Variants in SHOC1 observed in about 807,000 individuals in gnomAD.
SHOC1 encodes protein shortage in chiasmata 1 ortholog.
SHOC1 carries 136 observed loss-of-function variants against 179.2 expected under a neutral mutation model. The observed-to-expected ratio is 0.76, with a 90% confidence interval of 0.66 to 0.87. The LOEUF (loss-of-function observed/expected upper bound fraction) is 0.87. Among genes scored for constraint, SHOC1 ranks in the 40% least tolerant of loss-of-function variants. SHOC1 has a pLI of 0.00. For synonymous variants in SHOC1, 489 were observed against 586.6 expected (o/e 0.83, Z 2.41); for missense variants, 1,538 against 1,700.8 (o/e 0.90, Z 1.68).
intron 7 of SHOC1, 146 bp from the exon 8 acceptor site, chr9:111,756,624 A>G: frequency 1.6e-6 from 1 of 642,992 alleles, no homozygotes; most frequent in East Asian, 2.8e-5. Context: ...TATATACTTT[A>G]AAAAAACAGA....
chr9:111,688,248 GC>G (rs1368663030), intron 27 of SHOC1, among the ~76,000 whole-genome samples: 1 of 152,120 alleles, frequency 6.6e-6, no homozygotes. Context: ...ATCTCTCACA[GC>G]CAATTCTAAA....
intron 11 of SHOC1, among the ~76,000 whole-genome samples, chr9:111,740,760 G>A (rs547685811): frequency 6.6e-6 from 1 of 152,132 alleles, no homozygotes; most frequent in South Asian, 2.1e-4. Context: ...TTAGTAGAGA[G>A]GGGGTTTCAA....
At chr9:111,774,698 C>CTA (rs1183222816) in intron 5 of SHOC1, among the ~76,000 whole-genome samples, 1 of 140,968 alleles carries the variant, frequency 7.1e-6, no homozygotes, top group African/African-American at 2.5e-5. Context: ...CTCTCTCTCT[C>CTA]TATATATATA....
At chr9:111,693,774 A>T in intron 26 of SHOC1, 25 bp downstream of exon 26, 1 of 1,528,062 alleles carries the variant, frequency 6.5e-7, no homozygotes, top group South Asian at 1.2e-5. Context: ...AATTCATATC[A>T]TAGTACAGAT....
At chr9:111,748,595 A>G (rs1051738279) in intron 8 of SHOC1, among the ~76,000 whole-genome samples, 1 of 152,154 alleles carries the variant, frequency 6.6e-6, no homozygotes, top group African/African-American at 2.4e-5. Context: ...CTACTTGTCT[A>G]TATGAATACT....
chr9:111,767,589 C>G (rs1835405292), intron 5 of SHOC1, among the ~76,000 whole-genome samples: 1 of 152,096 alleles, frequency 6.6e-6, no homozygotes, highest in Non-Finnish European at 1.5e-5. Flanking sequence ...GTTAATATGG[C>G]TTTGGAGTAT....
At chr9:111,764,738 CA>C (rs1385477044) in intron 5 of SHOC1, among the ~76,000 whole-genome samples, 2 of 151,996 alleles carry the variant, frequency 1.3e-5, no homozygotes, top group African/African-American at 4.8e-5. Flanking sequence ...AAACAAATGA[CA>C]AAAGGAATAT....
At chr9:111,737,699 C>CA (rs1491208449) in intron 12 of SHOC1, among the ~76,000 whole-genome samples, 2 of 132,054 alleles carry the variant, frequency 1.5e-5, no homozygotes, top group African/African-American at 3.2e-5. Context: ...CCCCCCCCCC[C>CA]ACACACAAAA....
chr9:111,791,122 T>G (rs1209038273), intron 2 of SHOC1, among the ~76,000 whole-genome samples: 1 of 152,190 alleles, frequency 6.6e-6, no homozygotes, highest in Non-Finnish European at 1.5e-5. Context: ...TTGTATAAAA[T>G]TACCTTCAAT....
At chr9:111,696,597 T>C (rs1439264295) in intron 24 of SHOC1, among the ~76,000 whole-genome samples, 1 of 152,204 alleles carries the variant, frequency 6.6e-6, no homozygotes. Flanking sequence ...GAAATAGACT[T>C]GTTTGGAATG....
At chr9:111,689,265 C>A (rs758611275) in intron 27 of SHOC1, among the ~76,000 whole-genome samples, 1 of 150,692 alleles carries the variant, frequency 6.6e-6, no homozygotes, top group East Asian at 1.9e-4. Context: ...GCGTACCTTT[C>A]GTCCCAGCTA....
At chr9:111,733,217 C>T (rs1379322945) in intron 12 of SHOC1, among the ~76,000 whole-genome samples, 1 of 152,118 alleles carries the variant, frequency 6.6e-6, no homozygotes, top group African/African-American at 2.4e-5. Flanking sequence ...AAATGTATGG[C>T]TATGGCTTAA....
intron 15 of SHOC1, among the ~76,000 whole-genome samples, chr9:111,720,169 G>A (rs542659584): frequency 1.3e-5 from 2 of 152,278 alleles, no homozygotes; most frequent in South Asian, 4.1e-4. Context: ...ACAGCCCAAG[G>A]CCCAGAAGTG....
intron 27 of SHOC1, among the ~76,000 whole-genome samples, chr9:111,687,522 T>A (rs1024680872): frequency 6.6e-6 from 1 of 152,200 alleles, no homozygotes. Flanking sequence ...CTCTAAATTC[T>A]CTTCTAACAT....
chr9:111,688,043 C>T (rs145633613), intron 27 of SHOC1, among the ~76,000 whole-genome samples: 67 of 152,156 alleles, frequency 4.4e-4, no homozygotes, highest in Middle Eastern at 3.4e-3. Flanking sequence ...GACGACAGGA[C>T]CTTGGTTCTT....
intron 19 of SHOC1, 114 bp from the exon 20 acceptor site, chr9:111,706,860 T>G (rs1832301384): frequency 3.3e-6 from 2 of 609,378 alleles, no homozygotes; most frequent in Middle Eastern, 4.2e-4. Context: ...CTATGCCTCA[T>G]CTTAGAAAGG....
intron 13 of SHOC1, among the ~76,000 whole-genome samples, chr9:111,726,362 A>G (rs904726419): frequency 4.6e-5 from 7 of 152,174 alleles, no homozygotes; most frequent in African/African-American, 1.7e-4. Context: ...CATAACCTCA[A>G]ACTCCTGGGC....
chr9:111,769,983 T>TTTTTTTTTTTTTTTTTTTTTTTTTTTTC (rs1564161190), intron 5 of SHOC1, among the ~76,000 whole-genome samples: 1 of 31,162 alleles, frequency 3.2e-5, no homozygotes, highest in Non-Finnish European at 6.4e-5. Context: ...CTGTTTTTTT[T>TTTTTTTTTTTTTTTTTTTTTTTTTTTTC]TTGTTTTTTT....
chr9:111,724,158 T>C (rs979884185), intron 13 of SHOC1, among the ~76,000 whole-genome samples: 1 of 152,154 alleles, frequency 6.6e-6, no homozygotes, highest in Non-Finnish European at 1.5e-5. Flanking sequence ...CTCAGTTTCC[T>C]CATATGTAAA....
Sources: allele counts gnomAD v4.1 joint callset (sites outside exome capture counted in the v4.1 genomes callset), GRCh38; gene constraint gnomAD v4.1.1; transcripts MANE v1.5; gene names NCBI Gene and HGNC (gene_info 2026-07-23, HGNC 2026-07-21).